The following YLPM1 variants were observed in gnomAD, a reference collection of about 807,000 sequenced individuals.
The protein encoded by YLPM1 is YLP motif-containing protein 1.
In YLPM1, 99 loss-of-function variants were observed where a neutral mutation model predicts 230.0. That is an observed-to-expected ratio of 0.43 (90% CI 0.37 to 0.51). The LOEUF (loss-of-function observed/expected upper bound fraction) is 0.51. Ranked by LOEUF, YLPM1 falls within the 20% of genes least tolerant of loss-of-function variation. The probability of loss-of-function intolerance (pLI) is 0.00; values close to 1 mark genes in which losing one functional copy is unlikely to be tolerated. For synonymous variants in YLPM1, 984 were observed against 942.5 expected, an observed-to-expected ratio of 1.04 and a Z score of -0.81; for missense variants, 2,592 against 2,707.7, an observed-to-expected ratio of 0.96 and a Z score of 0.95.
At chr14:74,776,962 G>A (rs141181136) in intron 1 of YLPM1, among the ~76,000 whole-genome samples, 57 of 152,116 alleles carry the variant, frequency 3.7e-4, no homozygotes, top group African/African-American at 1.3e-3. Flanking sequence ...AGGTTGAAGC[G>A]GGAGGATCAT....
In YLPM1 at chr14:74,827,970, T is replaced by TTTTATA. The variant is rs1404125272; in HGVS notation, c.6164-1242_6164-1237dup. The TTTTATA allele has an allele frequency of 3.1e-6, 3 of 983,144 alleles. No individual in the cohort carries two copies. The East Asian group carries it at 3.4e-4, about 112-fold the overall frequency. 60.9% of individuals were successfully genotyped at this position (983,144 alleles called of 1,614,324 possible). A position where few individuals can be genotyped will look rare whatever the true frequency, so the allele number is the denominator to read the frequency against. ...ATGAGATGATTAAAATTTTTGTGAG[T>TTTTATA]TTTATAAACTGTTGCAGTTCGCCTT... On this transcript the variant is annotated intron_variant, in intron 18 of 20. Transcript: ENST00000325680.
chr14:74,763,413 C>T lies in YLPM1; in HGVS notation c.-77C>T, dbSNP rs45477896. 8.0e-6 allele frequency: 11 copies of T among 1,373,990 alleles called. No homozygotes were observed. Among genetic ancestry groups the T allele is most frequent in the South Asian group, 1.9e-5 (1 of 51,742 alleles). The allele number at this position is 1,373,990 out of a possible 1,614,324, so 85.1% of individuals were successfully genotyped here. ...AGGCGCCGCGAGTTCCGGCTGTCGCCGTCGCCGCCGCGGCTCCTGGAGGTC... is the reference window on the plus strand; with the variant it reads ...AGGCGCCGCGAGTTCCGGCTGTCGCTGTCGCCGCCGCGGCTCCTGGAGGTC... On this transcript the variant is annotated 5_prime_UTR_variant, in exon 1 of 21. Coordinates refer to ENST00000325680, the MANE Select transcript of YLPM1 (RefSeq NM_019589.3).
rs189971138 is a variant in YLPM1, at chr14:74,818,405, A to T, written c.6030+91A>T. The T allele has an allele frequency of 5.2e-3, 5,500 of 1,059,310 alleles. 26 individuals carry two copies. The highest frequency in any genetic ancestry group is 5.8e-3 in the Non-Finnish European group (4,337 of 747,932). 65.6% of individuals were successfully genotyped at this position (1,059,310 alleles called of 1,614,324 possible). On this transcript the variant is annotated intron_variant, in intron 16 of 20. Coordinates refer to ENST00000325680, the MANE Select transcript of YLPM1 (RefSeq NM_019589.3). ...AACTTAAAACCTACAGAAAAGTTAT[A>T]TGAATAGTATTCATACAAGAACACC...
intron 1 of YLPM1, among the ~76,000 whole-genome samples, chr14:74,776,606 CACTT>C (rs1458191055): frequency 2.6e-5 from 4 of 152,088 alleles, no homozygotes; most frequent in Admixed American, 6.6e-5. Flanking sequence ...CTGAAAATGA[CACTT>C]ATTTATAGTA....
At chr14:74,776,912 T>A (rs1208981276) in intron 1 of YLPM1, among the ~76,000 whole-genome samples, 1 of 151,814 alleles carries the variant, frequency 6.6e-6, no homozygotes, top group Non-Finnish European at 1.5e-5. Flanking sequence ...ACAAAAATTA[T>A]CCAGATGGTG....
chr14:74,795,814 C>T (rs773932094), intron 4 of YLPM1, among the ~76,000 whole-genome samples: 2 of 152,190 alleles, frequency 1.3e-5, no homozygotes, highest in South Asian at 2.1e-4. Flanking sequence ...CTGTTATAAT[C>T]GAGATCCAAG....
At position 74,798,547 on chromosome 14, in the gene YLPM1, G is replaced by A. The variant is rs1307585025; in HGVS notation, c.3250G>A (p.Val1084Met). 1 of 1,613,842 alleles carries A rather than the reference G, an allele frequency of 6.2e-7. No individual in the cohort carries two copies. The highest frequency in any genetic ancestry group is 2.2e-5 in the East Asian group (1 of 44,872). ...AGAAGGTAGCCGGGACAGAGGGTTG[G>A]TGAGGCCTGGAAGCAGTCGGGAGAA... ...RGEGSRDRGL[V>M]RPGSSREKVP... is the part of the protein sequence containing the mutation. The change falls in exon 5 of 21, where the codon GTG becomes ATG. Residue 1084 changes from valine (V) to methionine (M), a missense_variant. Val to Met is a conservative substitution (Grantham distance 21). This residue lies in a region of YLPM1 where 1,862 missense variants were observed against 1,819.8 expected (regional missense o/e 1.02). Transcript: ENST00000325680.
chr14:74,795,989 G>T (rs148291760), intron 4 of YLPM1, among the ~76,000 whole-genome samples: 107 of 152,314 alleles, frequency 7.0e-4, no homozygotes, highest in African/African-American at 2.5e-3. Context: ...TTTCCTTTAA[G>T]GGGACAACCC....
At chr14:74,770,039 G>T (rs879695030) in intron 1 of YLPM1, among the ~76,000 whole-genome samples, 4 of 151,824 alleles carry the variant, frequency 2.6e-5, no homozygotes, top group Non-Finnish European at 5.9e-5. Context: ...AAAATTAGCC[G>T]GGCGTGGTGG....
chr14:74,812,538 A>G lies in YLPM1; in HGVS notation c.5348-90A>G. ...CCCCAAAATCACTGGACTTGGTTTG[A>G]ATTATATTACCTTAGGATGTGTGGG... On this transcript the variant is annotated intron_variant, in intron 10 of 20. Coordinates refer to ENST00000325680, the MANE Select transcript of YLPM1 (RefSeq NM_019589.3). The G allele has an allele frequency of 2.3e-6, 3 of 1,289,762 alleles. No homozygotes were observed. In the East Asian group the frequency reaches 8.4e-5, roughly 36 times the overall value. The allele number at this position is 1,289,762 out of a possible 1,614,324, so 79.9% of individuals were successfully genotyped here.
chr14:74,785,714 AT>A (rs1471955881), intron 4 of YLPM1, among the ~76,000 whole-genome samples: 1 of 152,248 alleles, frequency 6.6e-6, no homozygotes, highest in African/African-American at 2.4e-5. Flanking sequence ...AACTAAACAA[AT>A]TTACTGATAA....
At chr14:74,811,313 C>A (rs1015054670) in intron 9 of YLPM1, among the ~76,000 whole-genome samples, 1 of 151,988 alleles carries the variant, frequency 6.6e-6, no homozygotes, top group African/African-American at 2.4e-5. Context: ...GAAACCCCAT[C>A]TCTACAAAAA....
intron 1 of YLPM1, among the ~76,000 whole-genome samples, chr14:74,772,417 G>A (rs554091145): frequency 1.8e-4 from 27 of 150,716 alleles, no homozygotes; most frequent in African/African-American, 2.4e-4. Context: ...GTGCAGTGGC[G>A]CGAGGATCTG....
chr14:74,811,838 A>G, intron 10 of YLPM1, 100 bp downstream of exon 10: 1 of 766,202 alleles, frequency 1.3e-6, no homozygotes, highest in South Asian at 2.4e-5. Context: ...AGTAAAACGT[A>G]TTCACAGATT....
At chr14:74,813,697 G>A (rs1047922550) in intron 11 of YLPM1, among the ~76,000 whole-genome samples, 4 of 152,048 alleles carry the variant, frequency 2.6e-5, no homozygotes, top group Non-Finnish European at 4.4e-5. Flanking sequence ...TAAAGAGCCT[G>A]TCACCCAAAA....
In YLPM1 at chr14:74,781,991, C is replaced by T. The variant is rs376665155; in HGVS notation, c.1948C>T (p.Pro650Ser). 1.5e-5 allele frequency: 24 copies of T among 1,613,708 alleles called. No homozygotes were observed. The highest frequency in any genetic ancestry group is 8.0e-5 in the African/African-American group (6 of 74,890). The change falls in exon 4 of 21, where the codon CCA becomes TCA. Residue 650 changes from proline to serine, a missense_variant. Around this residue, in one of 4 missense-constraint regions of YLPM1, gnomAD observed 1,862 missense variants for 1,819.8 expected, o/e 1.02. Transcript: ENST00000325680. The part of the protein sequence containing the change: ...QGIPPQLTAA[P>S]VPPASSSQSS... ...GATACCTCCTCAGTTAACAGCAGCC[C>T]CAGTTCCACCAGCCTCCAGTTCACA...
chr14:74,778,193 T>TTA lies in YLPM1; in HGVS notation c.874-253_874-252insAT, dbSNP rs1422328665. On this transcript the variant is annotated intron_variant, in intron 1 of 20. Transcript: ENST00000325680. Reference sequence around the variant, plus strand: ...GGCTCTTACCTCCAAAAGCATGTGTTTTATTAGAGTACAGAAGCATGTTGA... The same window carrying TTA: ...GGCTCTTACCTCCAAAAGCATGTGTTTATTATTAGAGTACAGAAGCATGTTGA... 1.1e-4 allele frequency among the ~76,000 whole-genome samples: 16 copies of TTA among 152,332 alleles called. No individual in the cohort carries two copies. The South Asian group carries it at 3.3e-3, about 32-fold the overall frequency.
chr14:74,821,303 C>T lies in YLPM1; in HGVS notation c.6111+166C>T. On this transcript the variant is annotated intron_variant, in intron 17 of 20. Coordinates refer to ENST00000325680, the MANE Select transcript of YLPM1 (RefSeq NM_019589.3). ...CTTTTGGATACTCTTTATTTTTCCCCAGACCAAAAGAACCCTCTAATGTGG... is the reference window on the plus strand; with the variant it reads ...CTTTTGGATACTCTTTATTTTTCCCTAGACCAAAAGAACCCTCTAATGTGG... 4 of 1,072,450 alleles carry T rather than the reference C, an allele frequency of 3.7e-6. No individual in the cohort carries two copies. In the South Asian group the frequency reaches 8.2e-5, roughly 22 times the overall value. The allele number at this position is 1,072,450 out of a possible 1,614,324, so 66.4% of individuals were successfully genotyped here. A position where few individuals can be genotyped will look rare whatever the true frequency, so the allele number is the denominator to read the frequency against.
At chr14:74,802,899 G>C (rs2091341884) in intron 6 of YLPM1, among the ~76,000 whole-genome samples, 1 of 152,084 alleles carries the variant, frequency 6.6e-6, no homozygotes, top group Non-Finnish European at 1.5e-5. Context: ...AGTACACCAA[G>C]TACACCTGAA....
Sources: gnomAD v4.1 joint callset for allele counts (sites outside exome capture counted in the v4.1 genomes callset) on GRCh38, gnomAD v4.1.1 for gene constraint, gnomAD v4.1.1 regional missense constraint, MANE v1.5 for transcripts, NCBI Gene and HGNC (gene_info 2026-07-23, HGNC 2026-07-21) for gene names.